PDE1A: variants seen among roughly 807,000 people sequenced by gnomAD.
PDE1A encodes phosphodiesterase 1A.
Under a neutral mutation model 61.7 loss-of-function variants are expected in PDE1A, and 35 were observed. That is an observed-to-expected ratio of 0.57 (90% CI 0.43 to 0.75). The LOEUF (loss-of-function observed/expected upper bound fraction) is 0.75. Among genes scored for constraint, PDE1A ranks in the 30% least tolerant of loss-of-function variants. The pLI, the probability that PDE1A is intolerant of heterozygous loss-of-function variation, is 0.00. For synonymous variants in PDE1A, 232 were observed against 213.2 expected (o/e 1.09, Z -0.77); for missense variants, 597 against 630.6 (o/e 0.95, Z 0.57).
the PDE1A span, among the ~76,000 whole-genome samples, chr2:182,634,429 A>C: frequency 7.2e-5 from 11 of 152,190 alleles, no homozygotes; most frequent in African/African-American, 2.7e-4. Context: ...TAAGATTAAA[A>C]GTAGAGAAAA....
chr2:182,444,822 C>T (rs912887168), intron 2 of PDE1A, among the ~76,000 whole-genome samples: 2 of 152,104 alleles, frequency 1.3e-5, no homozygotes, highest in Non-Finnish European at 2.9e-5. Flanking sequence ...AAAGAATGTA[C>T]TTCAGTACTT....
intron 8 of PDE1A, among the ~76,000 whole-genome samples, chr2:182,205,715 C>T (rs1057266945): frequency 6.6e-6 from 1 of 152,058 alleles, no homozygotes; most frequent in African/African-American, 2.4e-5. Context: ...CTTATTCAGA[C>T]ATATGGATGT....
intron 13 of PDE1A, among the ~76,000 whole-genome samples, chr2:182,160,454 G>C (rs1021430558): frequency 2.0e-5 from 3 of 152,152 alleles, no homozygotes; most frequent in African/African-American, 7.2e-5. Context: ...CATTCGTCTT[G>C]CTCAGCTTTT....
chr2:182,609,083 G>C, the PDE1A span, among the ~76,000 whole-genome samples: 1 of 152,288 alleles, frequency 6.6e-6, no homozygotes, highest in African/African-American at 2.4e-5. Flanking sequence ...ACACCAATCA[G>C]CACTCTATCT....
intron 1 of PDE1A, among the ~76,000 whole-genome samples, chr2:182,374,243 C>T (rs184830027): frequency 2.6e-4 from 40 of 152,038 alleles, no homozygotes; most frequent in South Asian, 8.3e-4. Flanking sequence ...GGTACTTCTA[C>T]GATAAATATC....
At chr2:182,364,662 A>G (rs1699735065) in intron 1 of PDE1A, among the ~76,000 whole-genome samples, 1 of 151,682 alleles carries the variant, frequency 6.6e-6, no homozygotes, top group South Asian at 2.1e-4. Flanking sequence ...GTAACAAATA[A>G]AGATATAGTT....
intron 2 of PDE1A, among the ~76,000 whole-genome samples, chr2:182,449,357 G>T (rs920214438): frequency 6.6e-6 from 1 of 151,738 alleles, no homozygotes; most frequent in South Asian, 2.1e-4. Context: ...AAGGAAGGAA[G>T]GGAGGGAGGG....
rs1350290207 is a variant in PDE1A, at chr2:182,212,198, A to AAT, written c.777-6134_777-6133insAT. 2.2e-4 allele frequency among the ~76,000 whole-genome samples: 26 copies of AAT among 120,716 alleles called. 1 individual carries two copies. In the Admixed American group the frequency reaches 2.2e-3, roughly 10 times the overall value. The allele number at this position is 120,716 out of a possible 152,430, so 79.2% of individuals were successfully genotyped here. A position where few individuals can be genotyped will look rare whatever the true frequency, so the allele number is the denominator to read the frequency against. ...TACTTTTTAATTGACAATTAAAATT[A>AAT]TATATATTACGTACGAGATAATGTC... is the stretch of plus-strand genomic sequence containing the variant. On this transcript the variant is annotated intron_variant, in intron 7 of 13. Coordinates refer to ENST00000351439, the Ensembl canonical transcript of PDE1A.
At chr2:182,165,675 G>T (rs148514669), downstream of PDE1A, among the ~76,000 whole-genome samples, 502 of 152,192 alleles carry the variant, frequency 3.3e-3, 1 homozygote, top group African/African-American at 0.012. Flanking sequence ...CAGCTGAGGT[G>T]CTTACTGAAG....
chr2:182,709,555 T>C, the PDE1A span, among the ~76,000 whole-genome samples: 1 of 152,186 alleles, frequency 6.6e-6, no homozygotes, highest in Non-Finnish European at 1.5e-5. Context: ...AATGCAATAG[T>C]AAAGGATGGA....
chr2:182,463,482 A>C (rs1158933957), intron 2 of PDE1A: 2 of 152,152 alleles, frequency 1.3e-5, no homozygotes, highest in African/African-American at 2.4e-5. Context: ...CTTTGTGTGA[A>C]AGAAGAGAAT....
intron 1 of PDE1A, among the ~76,000 whole-genome samples, chr2:182,332,158 G>A (rs1328239729): frequency 1.3e-5 from 2 of 152,030 alleles, no homozygotes; most frequent in African/African-American, 2.4e-5. Context: ...TGATACTTGT[G>A]TATGGTTCAC....
chr2:182,223,361 C>T (rs996476282), intron 7 of PDE1A, among the ~76,000 whole-genome samples: 1 of 152,012 alleles, frequency 6.6e-6, no homozygotes, highest in Non-Finnish European at 1.5e-5. Context: ...TACTTCTACT[C>T]TGGTATTTGA....
At chr2:182,329,474 C>A (rs1697262698) in intron 1 of PDE1A, among the ~76,000 whole-genome samples, 2 of 152,150 alleles carry the variant, frequency 1.3e-5, no homozygotes, top group South Asian at 4.1e-4. Flanking sequence ...ACTGTAACCT[C>A]TGCCTCCCAG....
intron 1 of PDE1A, among the ~76,000 whole-genome samples, chr2:182,289,900 G>A (rs543376480): frequency 1.3e-5 from 2 of 151,942 alleles, no homozygotes; most frequent in African/African-American, 2.4e-5. Context: ...ATCTCATCTT[G>A]AGACAGACTC....
chr2:182,703,033 T>C, the PDE1A span, among the ~76,000 whole-genome samples: 1 of 152,244 alleles, frequency 6.6e-6, no homozygotes, highest in East Asian at 1.9e-4. Flanking sequence ...GTTAATGATA[T>C]GAACCTGTTC....
At chr2:182,399,888 G>GA (rs1417385659) in intron 1 of PDE1A, among the ~76,000 whole-genome samples, 1 of 152,052 alleles carries the variant, frequency 6.6e-6, no homozygotes, top group Non-Finnish European at 1.5e-5. Flanking sequence ...GAAATCAAGA[G>GA]ATGGTCCTAG....
At chr2:182,402,414 A>C (rs878997632) in intron 1 of PDE1A, among the ~76,000 whole-genome samples, 1 of 152,248 alleles carries the variant, frequency 6.6e-6, no homozygotes, top group Non-Finnish European at 1.5e-5. Context: ...GACAAAAACA[A>C]GCAATGGGGA....
At chr2:182,197,374 CT>C (rs536238196) in intron 10 of PDE1A, among the ~76,000 whole-genome samples, 108 of 151,244 alleles carry the variant, frequency 7.1e-4, no homozygotes, top group African/African-American at 2.5e-3. Flanking sequence ...TTAGTAGTGC[CT>C]TTGGAAGATC....
Sources: allele counts gnomAD v4.1 joint callset (sites outside exome capture counted in the v4.1 genomes callset), GRCh38; gene constraint gnomAD v4.1.1; transcripts MANE v1.5; gene names NCBI Gene and HGNC (gene_info 2026-07-23, HGNC 2026-07-21).